The following PTPRD variants were observed in gnomAD, a reference collection of about 807,000 sequenced individuals.
The protein encoded by PTPRD is protein tyrosine phosphatase receptor type D.
A neutral mutation model predicts 214.5 loss-of-function variants in PTPRD; 34 were observed. The observed-to-expected ratio is 0.16, with a 90% CI of 0.12 to 0.21. The LOEUF (loss-of-function observed/expected upper bound fraction) is 0.21. Among genes scored for constraint, PTPRD ranks in the 10% least tolerant of loss-of-function variants. The probability of loss-of-function intolerance (pLI) is 1.00; values close to 1 mark genes in which losing one functional copy is unlikely to be tolerated. For synonymous variants in PTPRD, 1,128 were observed against 845.7 expected (o/e 1.33, Z -5.79); for missense variants, 2,545 against 2,398.7 (o/e 1.06, Z -1.27).
Position 9,387,304 on chromosome 9 carries a change from T to C in PTPRD, c.-203+10145A>G, listed in dbSNP as rs1173836941. Among the ~76,000 whole-genome samples the C allele has an allele frequency of 2.6e-5, 4 of 152,208 alleles. No homozygotes were observed. The South Asian group carries it at 8.3e-4, about 31-fold the overall frequency. ...TTCAGATTTGTTGAGAGAATTTCTA[T>C]TAAGCAAGTGGAAGCACAGTTTAGG... On this transcript the variant is annotated intron_variant, in intron 9 of 45. Coordinates refer to ENST00000381196, the MANE Select transcript of PTPRD (RefSeq NM_002839.4).
chr9:9,360,244 A>G (rs1047331514), intron 9 of PTPRD, among the ~76,000 whole-genome samples: 1 of 142,480 alleles, frequency 7.0e-6, no homozygotes, highest in Non-Finnish European at 1.5e-5. Context: ...TGACAGTTGT[A>G]TAATAGATGG....
chr9:8,497,568 G>A (rs1032518456), intron 25 of PTPRD, among the ~76,000 whole-genome samples: 3 of 152,154 alleles, frequency 2.0e-5, no homozygotes, highest in East Asian at 1.9e-4. Context: ...TATCCTACTC[G>A]TATTTATTTT....
intron 7 of PTPRD, among the ~76,000 whole-genome samples, chr9:9,591,405 T>G (rs984073689): frequency 6.6e-6 from 1 of 151,986 alleles, no homozygotes; most frequent in Non-Finnish European, 1.5e-5. Flanking sequence ...AGAAGCGGAT[T>G]CATTCTTACA....
chr9:9,766,084 G>T (rs142341334), intron 6 of PTPRD, among the ~76,000 whole-genome samples: 1 of 152,112 alleles, frequency 6.6e-6, no homozygotes, highest in Non-Finnish European at 1.5e-5. Context: ...CCTCCTTCAC[G>T]ACTGTCCTCA....
At chr9:9,048,235 C>G (rs1208720284) in intron 10 of PTPRD, among the ~76,000 whole-genome samples, 1 of 152,068 alleles carries the variant, frequency 6.6e-6, no homozygotes, top group African/African-American at 2.4e-5. Context: ...TTACAGAGAG[C>G]AGTTTGGAGG....
At chr9:9,463,714 T>G (rs1402873697) in intron 8 of PTPRD, among the ~76,000 whole-genome samples, 1 of 152,142 alleles carries the variant, frequency 6.6e-6, no homozygotes, top group Non-Finnish European at 1.5e-5. Context: ...ATAGTGGGCA[T>G]TGGGCTTCTA....
At chr9:9,629,823 C>A (rs1439558806) in intron 7 of PTPRD, among the ~76,000 whole-genome samples, 1 of 152,096 alleles carries the variant, frequency 6.6e-6, no homozygotes, top group Non-Finnish European at 1.5e-5. Flanking sequence ...TGACAGCTTA[C>A]AAGAAGGAAA....
At chr9:8,720,503 A>G (rs1211675793) in intron 12 of PTPRD, among the ~76,000 whole-genome samples, 2 of 152,206 alleles carry the variant, frequency 1.3e-5, no homozygotes, top group East Asian at 1.9e-4. Flanking sequence ...CCAATTTACC[A>G]CACCATGATG....
intron 8 of PTPRD, among the ~76,000 whole-genome samples, chr9:9,539,618 A>C (rs2077180592): frequency 6.6e-6 from 1 of 151,858 alleles, no homozygotes. Context: ...CTGTATTAGC[A>C]ATGTACTGCA....
intron 2 of PTPRD, among the ~76,000 whole-genome samples, chr9:10,589,738 G>A (rs2074945193): frequency 6.6e-6 from 1 of 151,966 alleles, no homozygotes; most frequent in Admixed American, 6.6e-5. Flanking sequence ...CATAGAAGTA[G>A]GCAGCAGAAG....
intron 4 of PTPRD, among the ~76,000 whole-genome samples, chr9:9,950,013 T>C (rs1423758674): frequency 6.6e-6 from 1 of 152,212 alleles, no homozygotes; most frequent in Non-Finnish European, 1.5e-5. Context: ...AGTTTGATTC[T>C]TAACATAAAG....
intron 11 of PTPRD, among the ~76,000 whole-genome samples, chr9:8,934,427 A>G (rs1041547174): frequency 0.21 from 13,175 of 62,990 alleles, 1,848 homozygotes; most frequent in Non-Finnish European, 0.25. Context: ...GTGTGTATAT[A>G]TATATATAAA....
In PTPRD at chr9:9,090,907, A is replaced by C. The variant is rs1458442618; in HGVS notation, c.-142-72172T>G. 5.5e-6 allele frequency: 8 copies of C among 1,459,932 alleles called. No individual in the cohort carries two copies. The Middle Eastern group carries it at 6.9e-4, about 126-fold the overall frequency. The allele number at this position is 1,459,932 out of a possible 1,614,324, so 90.4% of individuals were successfully genotyped here. ...GGTCCGTGCCTCCAAGATGACAAAG[A>C]AAAGAAGGAACAATGGTCGTGCCAA... On this transcript the variant is annotated intron_variant, in intron 10 of 45. Coordinates refer to ENST00000381196, the MANE Select transcript of PTPRD (RefSeq NM_002839.4).
chr9:8,540,172 A>C lies in PTPRD; in HGVS notation c.353-11393T>G, dbSNP rs117617808. ...AAAATTTTAAATTATATAGAAGTAA[A>C]CTGTTATAATTAATTCATATTATCA... On this transcript the variant is annotated intron_variant, in intron 14 of 45. Coordinates refer to ENST00000381196, the MANE Select transcript of PTPRD (RefSeq NM_002839.4). Among the ~76,000 whole-genome samples, 159 of 152,226 alleles carry C rather than the reference A, an allele frequency of 1.0e-3. 3 individuals carry two copies. In the East Asian group the frequency reaches 0.026, roughly 25 times the overall value.
intron 12 of PTPRD, among the ~76,000 whole-genome samples, chr9:8,643,639 T>C (rs994635219): frequency 1.2e-4 from 18 of 152,212 alleles, no homozygotes; most frequent in African/African-American, 4.1e-4. Flanking sequence ...CTCGCAGCTC[T>C]GATCTCAGAG....
chr9:10,139,963 T>C (rs1266979669), intron 3 of PTPRD, among the ~76,000 whole-genome samples: 1 of 152,070 alleles, frequency 6.6e-6, no homozygotes, highest in African/African-American at 2.4e-5. Context: ...CATACTTTCT[T>C]GATATCAGCC....
At chr9:9,071,945 G>C (rs1020886725) in intron 10 of PTPRD, among the ~76,000 whole-genome samples, 1 of 152,096 alleles carries the variant, frequency 6.6e-6, no homozygotes, top group Non-Finnish European at 1.5e-5. Flanking sequence ...ACATAGAAAT[G>C]GTCTGCTGTT....
chr9:10,239,381 C>T (rs1292203543), intron 3 of PTPRD, among the ~76,000 whole-genome samples: 3 of 151,912 alleles, frequency 2.0e-5, no homozygotes, highest in African/African-American at 7.2e-5. Flanking sequence ...ATGATTACTT[C>T]ATTAGGTCTT....
At chr9:9,950,654 G>A (rs2093362272) in intron 4 of PTPRD, among the ~76,000 whole-genome samples, 1 of 41,540 alleles carries the variant, frequency 2.4e-5, no homozygotes, top group Non-Finnish European at 3.5e-5. Flanking sequence ...AACCCCAGGG[G>A]GCGGAGCCTG....
Sources: gnomAD v4.1 joint callset for allele counts (sites outside exome capture counted in the v4.1 genomes callset) on GRCh38, gnomAD v4.1.1 for gene constraint, MANE v1.5 for transcripts, NCBI Gene and HGNC (gene_info 2026-07-23, HGNC 2026-07-21) for gene names.